CSMD1: variants seen among roughly 807,000 people sequenced by gnomAD.
The protein encoded by CSMD1 is CUB and Sushi multiple domains 1, also known as CUB and sushi domain-containing protein 1.
Under a neutral mutation model 417.5 loss-of-function variants are expected in CSMD1, and 213 were observed. The observed-to-expected ratio is 0.51, with a 90% confidence interval of 0.46 to 0.57. The LOEUF is 0.57. Ranked by LOEUF, CSMD1 falls within the 20% of genes least tolerant of loss-of-function variation. The pLI, the probability that CSMD1 is intolerant of heterozygous loss-of-function variation, is 0.00. For synonymous variants in CSMD1, 2,862 were observed against 1,736.8 expected (o/e 1.65, Z -16.11); for missense variants, 6,923 against 4,529.7 (o/e 1.53, Z -15.17).
At chr8:3,622,396 T>A (rs1744866341) in intron 7 of CSMD1, among the ~76,000 whole-genome samples, 1 of 152,194 alleles carries the variant, frequency 6.6e-6, no homozygotes, top group South Asian at 2.1e-4. Flanking sequence ...CCCAAACTGG[T>A]TGAAAATACA....
chr8:3,894,701 C>T (rs1807236908), intron 5 of CSMD1, among the ~76,000 whole-genome samples: 1 of 152,078 alleles, frequency 6.6e-6, no homozygotes, highest in African/African-American at 2.4e-5. Flanking sequence ...TTTTTCCTGC[C>T]TCCAACTATA....
intron 1 of CSMD1, among the ~76,000 whole-genome samples, chr8:4,850,773 C>G (rs938827878): frequency 6.6e-6 from 1 of 152,042 alleles, no homozygotes; most frequent in East Asian, 1.9e-4. Flanking sequence ...AACCCCAAAC[C>G]TAGTGGCTTG....
At position 3,229,465 on chromosome 8, in the gene CSMD1, G is replaced by A. The variant is rs1437764725; in HGVS notation, c.4345+575C>T. 2.0e-5 allele frequency among the ~76,000 whole-genome samples: 3 copies of A among 152,188 alleles called. No individual in the cohort carries two copies. The East Asian group carries it at 5.8e-4, about 29-fold the overall frequency. On this transcript the variant is annotated intron_variant, in intron 27 of 69. Coordinates refer to ENST00000635120, the MANE Select transcript of CSMD1 (RefSeq NM_033225.6). ...TATTTGTGATAAATTGTCTCAGGTG[G>A]CTATTCAAGCCAAAGTCTGCAAAAT...
rs533572608 is a variant in CSMD1 at position 3,755,248 on chromosome 8, T to G, written c.819-1206A>C. On this transcript the variant is annotated intron_variant, in intron 5 of 69. Transcript: ENST00000635120. ...CGTGCTGGCTCGACTTTGTGCTAGG[T>G]GAAGCAACATAGGTGGATCATGTTT... Among the ~76,000 whole-genome samples the G allele has an allele frequency of 1.7e-3, 262 of 152,250 alleles. 6 individuals carry two copies. The highest frequency in any genetic ancestry group is 6.3e-4 in the Non-Finnish European group (43 of 68,026).
At chr8:4,652,053 G>A (rs1265419275) in intron 1 of CSMD1, among the ~76,000 whole-genome samples, 4 of 152,180 alleles carry the variant, frequency 2.6e-5, no homozygotes, top group Non-Finnish European at 5.9e-5. Context: ...AGCCATGATT[G>A]AGTCAGGAAG....
At chr8:4,235,648 T>C (rs1802001191) in intron 3 of CSMD1, among the ~76,000 whole-genome samples, 1 of 152,192 alleles carries the variant, frequency 6.6e-6, no homozygotes, top group African/African-American at 2.4e-5. Context: ...CTGAAATGCA[T>C]CGACCCTTTT....
At chr8:3,450,931 A>G (rs1319186319) in intron 12 of CSMD1, among the ~76,000 whole-genome samples, 1 of 152,062 alleles carries the variant, frequency 6.6e-6, no homozygotes, top group Non-Finnish European at 1.5e-5. Flanking sequence ...AGTCTCACCA[A>G]CAGTGTAAAA....
At chr8:3,289,450 A>C (rs1240366342) in intron 25 of CSMD1, among the ~76,000 whole-genome samples, 1 of 147,368 alleles carries the variant, frequency 6.8e-6, no homozygotes, top group East Asian at 2.0e-4. Context: ...CAACAGTGTA[A>C]AAGTGTTCCT....
rs188585437 is a variant in CSMD1 at position 4,766,209 on chromosome 8, C to T, written c.86-128651G>A. On this transcript the variant is annotated intron_variant, in intron 1 of 69. Transcript: ENST00000635120. The stretch of plus-strand genomic sequence containing the variant: ...GAACATATGTTGCCTACTAACAGAG[C>T]ATGTGCTGGTGCGTTGGCAACAAGT... Among the ~76,000 whole-genome samples the T allele has an allele frequency of 1.2e-4, 18 of 152,232 alleles. No individual in the cohort carries two copies. The East Asian group carries it at 3.1e-3, about 26-fold the overall frequency.
At chr8:4,431,280 A>T (rs575307982) in intron 2 of CSMD1, among the ~76,000 whole-genome samples, 4 of 152,150 alleles carry the variant, frequency 2.6e-5, no homozygotes, top group Non-Finnish European at 5.9e-5. Context: ...ATGCAAATTT[A>T]TTTTATCATA....
intron 1 of CSMD1, among the ~76,000 whole-genome samples, chr8:4,806,573 G>A (rs756239505): frequency 9.9e-5 from 15 of 152,164 alleles, no homozygotes; most frequent in Admixed American, 2.0e-4. Flanking sequence ...AAATCTTGAC[G>A]ATAATCATAT....
chr8:4,090,006 G>A (rs1012288000), intron 3 of CSMD1, among the ~76,000 whole-genome samples: 3 of 152,140 alleles, frequency 2.0e-5, no homozygotes, highest in African/African-American at 4.8e-5. Flanking sequence ...TTCTCTACTA[G>A]CCTGTTTTGT....
intron 1 of CSMD1, among the ~76,000 whole-genome samples, chr8:4,645,775 C>CCTGTG (rs1220519445): frequency 2.0e-5 from 3 of 152,088 alleles, no homozygotes; most frequent in Non-Finnish European, 4.4e-5. Context: ...TGGGATTTGC[C>CCTGTG]CTGTGCCTGC....
chr8:3,512,356 C>A (rs1797111649), intron 10 of CSMD1, among the ~76,000 whole-genome samples: 1 of 152,198 alleles, frequency 6.6e-6, no homozygotes, highest in African/African-American at 2.4e-5. Flanking sequence ...CTAATACAGA[C>A]TTCAGCTCAG....
At chr8:3,811,677 C>A (rs1024494580) in intron 5 of CSMD1, among the ~76,000 whole-genome samples, 2 of 152,044 alleles carry the variant, frequency 1.3e-5, no homozygotes, top group African/African-American at 4.8e-5. Flanking sequence ...AATCAATATT[C>A]AATACTAGAT....
At chr8:4,281,272 T>G (rs570052955) in intron 3 of CSMD1, among the ~76,000 whole-genome samples, 1 of 152,252 alleles carries the variant, frequency 6.6e-6, no homozygotes, top group South Asian at 2.1e-4. Flanking sequence ...TCGACAGCAT[T>G]ATGGGAAAAT....
intron 1 of CSMD1, among the ~76,000 whole-genome samples, chr8:4,699,030 C>G (rs1393121292): frequency 6.6e-6 from 1 of 151,978 alleles, no homozygotes; most frequent in Non-Finnish European, 1.5e-5. Flanking sequence ...CTTTCATTAA[C>G]TTAAAGCTTG....
chr8:4,179,583 C>A (rs1258223149), intron 3 of CSMD1, among the ~76,000 whole-genome samples: 1 of 151,354 alleles, frequency 6.6e-6, no homozygotes, highest in Non-Finnish European at 1.5e-5. Context: ...CAAATGGAAT[C>A]TAATTAAACT....
At chr8:4,019,821 T>G (rs1279273575) in intron 4 of CSMD1, among the ~76,000 whole-genome samples, 1 of 152,048 alleles carries the variant, frequency 6.6e-6, no homozygotes, top group East Asian at 1.9e-4. Flanking sequence ...TTTCTTTCAC[T>G]AGGCACTCTT....
Sources: gnomAD v4.1 joint callset for allele counts (sites outside exome capture counted in the v4.1 genomes callset) on GRCh38, gnomAD v4.1.1 for gene constraint, MANE v1.5 for transcripts, NCBI Gene and HGNC (gene_info 2026-07-23, HGNC 2026-07-21) for gene names.